ERBB4: variants seen among roughly 807,000 people sequenced by gnomAD.
ERBB4 encodes the protein erb-b2 receptor tyrosine kinase 4.
In ERBB4, 42 loss-of-function variants were observed where a neutral mutation model predicts 158.0. The ratio of observed to expected loss-of-function variants is 0.27; its 90% CI spans 0.21 to 0.34. The LOEUF (loss-of-function observed/expected upper bound fraction) is 0.34, where lower values mean the gene tolerates loss of function less well. Ranked by LOEUF, ERBB4 falls within the 10% of genes least tolerant of loss-of-function variation. The pLI is 1.00. For synonymous variants in ERBB4, 583 were observed against 558.7 expected, an observed-to-expected ratio of 1.04 and a Z score of -0.61; for missense variants, 1,333 against 1,624.1, an observed-to-expected ratio of 0.82 and a Z score of 3.08.
intron 19 of ERBB4, among the ~76,000 whole-genome samples, chr2:211,607,479 A>G (rs1267009125): frequency 6.6e-6 from 1 of 152,198 alleles, no homozygotes; most frequent in African/African-American, 2.4e-5. Flanking sequence ...TAAGTGGATC[A>G]AAACCCTAGA....
At chr2:212,458,956 A>G (rs1688439247) in intron 1 of ERBB4, among the ~76,000 whole-genome samples, 1 of 152,182 alleles carries the variant, frequency 6.6e-6, no homozygotes, top group Admixed American at 6.5e-5. Context: ...CTGAGAATGA[A>G]TGAATGAGTT....
intron 1 of ERBB4, among the ~76,000 whole-genome samples, chr2:212,409,976 G>T (rs2091451646): frequency 6.6e-6 from 1 of 151,814 alleles, no homozygotes; most frequent in African/African-American, 2.4e-5. Flanking sequence ...ATAAATCCAG[G>T]CTTCATCTTC....
At chr2:211,607,059 T>C (rs73988616) in intron 19 of ERBB4, among the ~76,000 whole-genome samples, 11,882 of 152,190 alleles carry the variant, frequency 0.078, 1,551 homozygotes, top group African/African-American at 0.27. Flanking sequence ...TTCACCAAAA[T>C]TCTTTGTAGG....
At chr2:212,034,581 T>C (rs989643769) in intron 2 of ERBB4, among the ~76,000 whole-genome samples, 7 of 152,114 alleles carry the variant, frequency 4.6e-5, no homozygotes, top group African/African-American at 1.4e-4. Flanking sequence ...ATTATAGTCA[T>C]GTATTTCTTT....
At chr2:211,437,668 G>A (rs1287713465) in intron 20 of ERBB4, among the ~76,000 whole-genome samples, 1 of 152,134 alleles carries the variant, frequency 6.6e-6, no homozygotes, top group Non-Finnish European at 1.5e-5. Context: ...AAATACGTGT[G>A]TGGAGCTAAA....
At chr2:211,525,250 G>T (rs2066314011) in intron 20 of ERBB4, among the ~76,000 whole-genome samples, 1 of 152,046 alleles carries the variant, frequency 6.6e-6, no homozygotes, top group Admixed American at 6.5e-5. Context: ...TGCAACCCCA[G>T]ACAAAAAAGC....
intron 1 of ERBB4, among the ~76,000 whole-genome samples, chr2:212,402,941 G>T (rs2091250710): frequency 6.6e-6 from 1 of 151,642 alleles, no homozygotes; most frequent in African/African-American, 2.4e-5. Context: ...TGTTATAATT[G>T]TTTCCCATAT....
At chr2:212,344,329 G>A (rs2088868693) in intron 1 of ERBB4, among the ~76,000 whole-genome samples, 1 of 152,052 alleles carries the variant, frequency 6.6e-6, no homozygotes. Flanking sequence ...CCAGTAGCAT[G>A]CCTCCTCTAC....
At chr2:211,479,885 ATAAT>A (rs2065041116) in intron 20 of ERBB4, among the ~76,000 whole-genome samples, 2 of 152,332 alleles carry the variant, frequency 1.3e-5, no homozygotes, top group Admixed American at 1.3e-4. Context: ...CAAATCTCAT[ATAAT>A]TAACACTTTT....
rs944942619 is a variant in ERBB4 at position 211,503,814 on chromosome 2, G to A, written c.2487+58089C>T. Reference sequence around the variant, plus strand: ...GGAGAGGTGCTTCCTCCTCTGCCTGGAGGGTTGTCTCAGTGGACTGGGAGG... The same window carrying A: ...GGAGAGGTGCTTCCTCCTCTGCCTGAAGGGTTGTCTCAGTGGACTGGGAGG... On this transcript the variant is annotated intron_variant, in intron 20 of 27. Coordinates refer to ENST00000342788, the MANE Select transcript of ERBB4 (RefSeq NM_005235.3). 3.3e-5 allele frequency among the ~76,000 whole-genome samples: 5 copies of A among 152,210 alleles called. No individual in the cohort carries two copies. In the South Asian group the frequency reaches 1.0e-3, roughly 32 times the overall value.
chr2:212,434,427 T>C (rs1574912040), intron 1 of ERBB4, among the ~76,000 whole-genome samples: 1 of 152,010 alleles, frequency 6.6e-6, no homozygotes, highest in African/African-American at 2.4e-5. Context: ...AGAATTCCTA[T>C]TTTCCCTATA....
intron 2 of ERBB4, among the ~76,000 whole-genome samples, chr2:212,011,137 A>G (rs1211045210): frequency 1.3e-5 from 2 of 152,288 alleles, no homozygotes; most frequent in East Asian, 3.9e-4. Flanking sequence ...GGTGATGTAC[A>G]TCCTTAGCTT....
At chr2:212,392,005 T>C (rs539571544) in intron 1 of ERBB4, among the ~76,000 whole-genome samples, 46 of 151,630 alleles carry the variant, frequency 3.0e-4, no homozygotes, top group African/African-American at 1.1e-3. Flanking sequence ...GATGACTGAA[T>C]AGAACTTGAA....
chr2:211,688,133 A>T (rs1385341532), intron 12 of ERBB4, among the ~76,000 whole-genome samples: 1 of 152,258 alleles, frequency 6.6e-6, no homozygotes, highest in Admixed American at 6.5e-5. Context: ...TTTGAAGACA[A>T]CTAAATAATA....
At chr2:212,506,259 T>G (rs2106260631) in intron 1 of ERBB4, among the ~76,000 whole-genome samples, 1 of 149,008 alleles carries the variant, frequency 6.7e-6, no homozygotes, top group South Asian at 2.1e-4. Flanking sequence ...CTCCCTCTCC[T>G]TGGGTTTCCC....
rs755459959 is a variant in ERBB4 at position 211,387,991 on chromosome 2, C to T, written c.3137G>A (p.Ser1046Asn). 5.0e-6 allele frequency: 8 copies of T among 1,597,858 alleles called. No individual in the cohort carries two copies. The highest frequency in any genetic ancestry group is 1.7e-4 in the Middle Eastern group (1 of 6,054). The change falls in exon 26 of 28, where the codon AGT (serine) becomes AAT (asparagine). Residue 1046 changes from serine to asparagine, a missense_variant and splice_region_variant. Ser to Asn is a conservative substitution (Grantham distance 46). Transcript: ENST00000342788. ...TSRARIDSNRSEIGHSPPPAY... is the reference protein window; with the variant it reads ...TSRARIDSNRNEIGHSPPPAY... ...AGGAGGAGGGCTGTGTCCAATTTCACTCTAATAGGAAAGAAAAATGGAATG... is the reference window on the plus strand; with the variant it reads ...AGGAGGAGGGCTGTGTCCAATTTCATTCTAATAGGAAAGAAAAATGGAATG...
chr2:212,397,518 A>C (rs1270847560), intron 1 of ERBB4, among the ~76,000 whole-genome samples: 1 of 111,748 alleles, frequency 8.9e-6, no homozygotes, highest in Admixed American at 9.8e-5. Flanking sequence ...GAAGGGGGGA[A>C]GGGGGGAAGG....
In ERBB4 at chr2:211,551,414, T is replaced by G. The variant is rs904060323; in HGVS notation, c.2487+10489A>C. Among the ~76,000 whole-genome samples, 7 of 152,188 alleles carry G rather than the reference T, an allele frequency of 4.6e-5. 1 individual carries two copies. The highest frequency in any genetic ancestry group is 1.7e-4 in the African/African-American group (7 of 41,444). ...AGGGTGTATTGTCATTAAAGGGAGT[T>G]TAGCTATGCCACTAATACTGTGACT... On this transcript the variant is annotated intron_variant, in intron 20 of 27. Transcript: ENST00000342788.
At chr2:212,159,156 A>G (rs955934697) in intron 1 of ERBB4, among the ~76,000 whole-genome samples, 2 of 151,966 alleles carry the variant, frequency 1.3e-5, no homozygotes, top group African/African-American at 4.8e-5. Flanking sequence ...CCACAAACAC[A>G]TGGACTTAGA....
Sources: allele counts gnomAD v4.1 joint callset (sites outside exome capture counted in the v4.1 genomes callset), GRCh38; gene constraint gnomAD v4.1.1; transcripts MANE v1.5; gene names NCBI Gene and HGNC (gene_info 2026-07-23, HGNC 2026-07-21).